CLUH: variants seen among roughly 807,000 people sequenced by gnomAD.
CLUH encodes CLUH binding protein of NUMT mRNA, also known as clustered mitochondria protein homolog.
CLUH carries 77 observed loss-of-function variants against 139.3 expected under a neutral mutation model. The observed-to-expected ratio is 0.55, with a 90% CI of 0.46 to 0.67. The LOEUF (loss-of-function observed/expected upper bound fraction) is 0.67, where lower values mean the gene tolerates loss of function less well. CLUH is among the 30% of genes least tolerant of loss of function. CLUH has a pLI of 0.00. For missense variants in CLUH, 1,876 were observed against 1,875.8 expected (o/e 1.00, Z 0.00); for synonymous variants, 999 against 801.6 (o/e 1.25, Z -4.16).
chr17:2,692,233 G>A (rs536040392), intron 22 of CLUH, 128 bp downstream of exon 22: 152 of 1,439,864 alleles, frequency 1.1e-4, no homozygotes, highest in Admixed American at 1.9e-4. Flanking sequence ...AGGGCTCAGG[G>A]AAGAGGGGGA....
In CLUH at chr17:2,691,613, G is replaced by C. The variant is rs765721468; in HGVS notation, c.3859C>G (p.Leu1287Val). Residue 1287 changes from leucine (L) to valine (V), a missense_variant, in exon 25 of 26, where the codon CTC (leucine) becomes GTC (valine). Physicochemically the swap from Leu to Val is conservative, Grantham distance 32. Coordinates refer to ENST00000651024, the MANE Select transcript of CLUH (RefSeq NM_001366661.1). ...CGAGTGGGGCGGAGGCCTCACCTGA[G>C]AGGAATGAAGAGGATGCCGTTAATG... ...NVINGILFIP[L>V]SQKDLENLKA... 4 of 1,612,212 alleles carry C rather than the reference G, an allele frequency of 2.5e-6. No homozygotes were observed. Among genetic ancestry groups the C allele is most frequent in the Admixed American group, 1.7e-5 (1 of 59,932 alleles).
In CLUH at chr17:2,692,381, C is replaced by T; in HGVS notation, c.3540G>A (p.Lys1180=). ...CTCACCTGAGGGCCACCTTGAGGGCCTTGGGCCCGTGGTACTTGGTGCTGA... is the reference window on the plus strand; with the variant it reads ...CTCACCTGAGGGCCACCTTGAGGGCTTTGGGCCCGTGGTACTTGGTGCTGA... ...LAVSTKYHGP[K]ALKVALSHHL... is the part of the protein sequence containing the mutation. The change falls in exon 22 of 26, where the codon AAG becomes AAA. Residue 1180 remains lysine, a synonymous_variant. Coordinates refer to ENST00000651024, the MANE Select transcript of CLUH (RefSeq NM_001366661.1). 6.3e-7 allele frequency: 1 copy of T among 1,590,012 alleles called. No individual in the cohort carries two copies. The highest frequency in any genetic ancestry group is 8.5e-7 in the Non-Finnish European group (1 of 1,175,616).
At chr17:2,705,070 C>T (rs947850741) in intron 1 of CLUH, among the ~76,000 whole-genome samples, 2 of 151,950 alleles carry the variant, frequency 1.3e-5, no homozygotes, top group African/African-American at 4.8e-5. Flanking sequence ...TACACTCCTG[C>T]CCCGTGGCTC....
chr17:2,695,709 C>T (rs531110039), intron 13 of CLUH, 183 bp from the exon 14 acceptor site: 30 of 784,580 alleles, frequency 3.8e-5, no homozygotes, highest in African/African-American at 5.2e-5. Flanking sequence ...ACCAAGAGCC[C>T]GGTGGTGGTA....
At chr17:2,695,908 C>G in intron 13 of CLUH, 1 of 586,086 alleles carries the variant, frequency 1.7e-6, no homozygotes, top group Non-Finnish European at 3.0e-6. Context: ...GCCCCGTCCC[C>G]CAGCCATGCC....
chr17:2,701,081 C>T (rs758417), intron 7 of CLUH, 59 bp downstream of exon 7: 944,950 of 1,610,316 alleles, frequency 0.59, 284,780 homozygotes, highest in Admixed American at 0.63. Context: ...GCAGGTGGGC[C>T]GGCTCACCCC....
chr17:2,691,694 G>C lies in CLUH; in HGVS notation c.3790-12C>G. ...CTGGGGGCCGTGAACTGCGGGGCGG[G>C]GAAACCAGCGGTGAGCGGGGCTCCC... is the stretch of plus-strand genomic sequence containing the variant. On this transcript the variant is annotated splice_polypyrimidine_tract_variant and intron_variant, in intron 24 of 25. Coordinates refer to ENST00000651024, the MANE Select transcript of CLUH (RefSeq NM_001366661.1). 6.2e-7 allele frequency: 1 copy of C among 1,611,202 alleles called. No individual in the cohort carries two copies. The highest frequency in any genetic ancestry group is 8.5e-7 in the Non-Finnish European group (1 of 1,178,780).
Position 2,692,387 on chromosome 17 carries a change from C to A in CLUH, c.3534G>T (p.Gly1178=). The A allele has an allele frequency of 6.3e-7, 1 of 1,592,222 alleles. No homozygotes were observed. ...TGAGGGCCACCTTGAGGGCCTTGGG[C>A]CCGTGGTACTTGGTGCTGACGGCCA... ...NALAVSTKYH[G]PKALKVALSH... is the part of the protein sequence containing the mutation. Residue 1178 remains glycine, a synonymous_variant, in exon 22 of 26, where the codon GGG becomes GGT. Transcript: ENST00000651024.
At chr17:2,693,855 C>A (rs1438265572) in intron 19 of CLUH, 45 bp downstream of exon 19, 4 of 1,565,694 alleles carry the variant, frequency 2.6e-6, no homozygotes, top group Non-Finnish European at 3.5e-6. Flanking sequence ...ACTCCCCATC[C>A]CCCAACACGA....
chr17:2,705,262 C>T (rs563347654), intron 1 of CLUH, among the ~76,000 whole-genome samples: 6 of 152,136 alleles, frequency 3.9e-5, no homozygotes, highest in Non-Finnish European at 7.4e-5. Flanking sequence ...TCCCAACCCA[C>T]CCACGGGACC....
intron 13 of CLUH, chr17:2,695,870 G>A (rs1473005106): frequency 1.7e-6 from 1 of 580,062 alleles, no homozygotes; most frequent in Non-Finnish European, 3.0e-6. Context: ...GGAGGAGGAG[G>A]AGGATGGGCA....
At chr17:2,708,535 C>T (rs913236967) in intron 1 of CLUH, among the ~76,000 whole-genome samples, 4 of 152,084 alleles carry the variant, frequency 2.6e-5, no homozygotes, top group African/African-American at 9.7e-5. Flanking sequence ...TAGGAAGCAG[C>T]TGCCCAAGGT....
chr17:2,708,700 C>CACCCGCTCCCACCG (rs1188708352), intron 1 of CLUH, among the ~76,000 whole-genome samples: 1 of 152,072 alleles, frequency 6.6e-6, no homozygotes. Flanking sequence ...GCGGGCTACC[C>CACCCGCTCCCACCG]ACCCGCTCCC....
chr17:2,691,951 G>GCCCCGCCCCCGCCCCCGC, intron 23 of CLUH, 53 bp downstream of exon 23: 1 of 1,098,524 alleles, frequency 9.1e-7, no homozygotes, highest in Non-Finnish European at 1.2e-6. Flanking sequence ...CCCCGCCCCC[G>GCCCCGCCCCCGCCCCCGC]CCCCGCCACG....
intron 9 of CLUH, among the ~76,000 whole-genome samples, chr17:2,699,110 G>A (rs2070084603): frequency 1.3e-5 from 2 of 152,284 alleles, no homozygotes; most frequent in South Asian, 4.1e-4. Flanking sequence ...GAGGGAGACA[G>A]CAGGGCTTAG....
chr17:2,694,718 C>T (rs1001359107), intron 16 of CLUH, 139 bp downstream of exon 16: 4 of 1,359,672 alleles, frequency 2.9e-6, no homozygotes, highest in Non-Finnish European at 4.0e-6. Context: ...CTCCAGCACC[C>T]AGTGATCTCC....
chr17:2,701,130 A>G lies in CLUH; in HGVS notation c.1025+10T>C. ...CCATGAGACAAGGCGGGAGGGGACA[A>G]AGGCACTACCTTTTCTTCTGCAGCA... is the stretch of plus-strand genomic sequence containing the variant. On this transcript the variant is annotated intron_variant, in intron 7 of 25. Coordinates refer to ENST00000651024, the MANE Select transcript of CLUH (RefSeq NM_001366661.1). The G allele has an allele frequency of 6.2e-7, 1 of 1,613,804 alleles. No individual in the cohort carries two copies. The highest frequency in any genetic ancestry group is 1.1e-5 in the South Asian group (1 of 91,078).
rs1397727652 is a variant in CLUH at position 2,706,071 on chromosome 17, G to A, written c.101-1507C>T. Among the ~76,000 whole-genome samples the A allele has an allele frequency of 6.6e-6, 1 of 152,120 alleles. No individual in the cohort carries two copies. Among genetic ancestry groups the A allele is most frequent in the African/African-American group, 2.4e-5 (1 of 41,416 alleles). ...TGCCTGGGTTCCCTTCCAGAAAGAA[G>A]AGCTCGCCCAGCTCTGCCCATCCCA... On this transcript the variant is annotated intron_variant, in intron 1 of 25. Transcript: ENST00000651024. The surrounding 1 kb of genome is among the most constrained non-coding windows in gnomAD (Gnocchi z 4.6).
chr17:2,692,486 G>C lies in CLUH; in HGVS notation c.3439-4C>G, dbSNP rs1484712774. 6.3e-7 allele frequency: 1 copy of C among 1,597,252 alleles called. No individual in the cohort carries two copies. The highest frequency in any genetic ancestry group is 2.2e-5 in the East Asian group (1 of 44,706). On this transcript the variant is annotated splice_polypyrimidine_tract_variant and splice_region_variant and intron_variant, in intron 21 of 25. Coordinates refer to ENST00000651024, the MANE Select transcript of CLUH (RefSeq NM_001366661.1). ...GCAGCACCAGCCCGATGTTGTTCTG[G>C]GGGCAGGCGGTGGGGGGCCCTGGTC...
Sources: gnomAD v4.1 joint callset for allele counts (sites outside exome capture counted in the v4.1 genomes callset) on GRCh38, gnomAD v4.1.1 for gene constraint, Gnocchi (gnomAD v3.1) non-coding constraint, MANE v1.5 for transcripts, NCBI Gene and HGNC (gene_info 2026-07-23, HGNC 2026-07-21) for gene names.